ADAMTS17: variants seen among roughly 807,000 people sequenced by gnomAD.
The protein encoded by ADAMTS17 is ADAM metallopeptidase with thrombospondin type 1 motif 17.
ADAMTS17 carries 113 observed loss-of-function variants against 141.5 expected under a neutral mutation model. The ratio of observed to expected loss-of-function variants is 0.80; its 90% CI spans 0.69 to 0.93. The LOEUF (loss-of-function observed/expected upper bound fraction) is 0.93, where lower values mean the gene tolerates loss of function less well. Among genes scored for constraint, ADAMTS17 ranks in the 40% least tolerant of loss-of-function variants. The pLI, the probability that ADAMTS17 is intolerant of heterozygous loss-of-function variation, is 0.00. For missense variants in ADAMTS17, 1,659 were observed against 1,517.9 expected (o/e 1.09, Z -1.54); for synonymous variants, 768 against 630.6 (o/e 1.22, Z -3.27).
chr15:100,212,323 C>T (rs2041835539), intron 7 of ADAMTS17, among the ~76,000 whole-genome samples: 2 of 152,304 alleles, frequency 1.3e-5, no homozygotes, highest in Admixed American at 6.5e-5. Context: ...GAGACAGACT[C>T]ACAGTCAGGC....
intron 15 of ADAMTS17, among the ~76,000 whole-genome samples, chr15:100,089,744 A>G (rs2035333361): frequency 6.6e-6 from 1 of 150,570 alleles, no homozygotes; most frequent in South Asian, 2.1e-4. Context: ...AAAAAACCAA[A>G]CACCGCATGT....
At position 100,143,642 on chromosome 15, in the gene ADAMTS17, G is replaced by C. The variant is rs561572859; in HGVS notation, c.1473+8970C>G. On this transcript the variant is annotated intron_variant, in intron 10 of 21. Coordinates refer to ENST00000268070, the MANE Select transcript of ADAMTS17 (RefSeq NM_139057.4). ...AGTTCATATTTCCATAGACAGCTTT[G>C]AGCCTTACAATACTAGCATTCTGCA... is the stretch of plus-strand genomic sequence containing the variant. Among the ~76,000 whole-genome samples the C allele has an allele frequency of 4.6e-5, 7 of 152,200 alleles. No homozygotes were observed. The East Asian group carries it at 1.3e-3, about 29-fold the overall frequency.
chr15:100,109,730 G>A (rs560457636), intron 13 of ADAMTS17, among the ~76,000 whole-genome samples: 6 of 152,244 alleles, frequency 3.9e-5, no homozygotes, highest in Middle Eastern at 6.8e-3. Flanking sequence ...GGAAACCTGG[G>A]TTTCCCCTAC....
At chr15:100,025,696 G>T (rs2061500267) in intron 18 of ADAMTS17, among the ~76,000 whole-genome samples, 1 of 151,984 alleles carries the variant, frequency 6.6e-6, no homozygotes, top group Non-Finnish European at 1.5e-5. Context: ...TTACAGGCGT[G>T]AGCCACCACG....
intron 15 of ADAMTS17, among the ~76,000 whole-genome samples, chr15:100,077,718 C>A (rs999301137): frequency 1.3e-5 from 2 of 152,152 alleles, no homozygotes; most frequent in Non-Finnish European, 2.9e-5. Context: ...AAGACAAGGA[C>A]GTCCTGCTAC....
chr15:100,303,102 TAA>T (rs2045099308), intron 3 of ADAMTS17, among the ~76,000 whole-genome samples: 1 of 146,930 alleles, frequency 6.8e-6, no homozygotes, highest in Admixed American at 6.8e-5. Flanking sequence ...TTTATATATA[TAA>T]AATATATAAT....
rs545840214 is a variant in ADAMTS17, at chr15:100,098,614, G to A, written c.2017-2138C>T. On this transcript the variant is annotated intron_variant, in intron 14 of 21. Coordinates refer to ENST00000268070, the MANE Select transcript of ADAMTS17 (RefSeq NM_139057.4). ...GGAGGCGGAGGTTGCAGTGAGCTGA[G>A]ATTGCGCCACTGCACTCCAGCCTGG... Among the ~76,000 whole-genome samples the A allele has an allele frequency of 3.5e-3, 531 of 151,240 alleles. 4 individuals are homozygous for A. The highest frequency in any genetic ancestry group is 6.2e-3 in the Non-Finnish European group (418 of 67,950).
chr15:100,117,083 C>T (rs2037184025), intron 12 of ADAMTS17, 70 bp from the exon 13 acceptor site: 1 of 1,529,192 alleles, frequency 6.5e-7, no homozygotes, highest in South Asian at 1.2e-5. Flanking sequence ...GTTTCCGTCT[C>T]TCTTGCCAGG....
At chr15:100,080,775 T>C (rs180872831) in intron 15 of ADAMTS17, among the ~76,000 whole-genome samples, 12 of 152,378 alleles carry the variant, frequency 7.9e-5, no homozygotes, top group Admixed American at 6.5e-4. Flanking sequence ...ATAACATTTA[T>C]TGACTTCATA....
intron 18 of ADAMTS17, among the ~76,000 whole-genome samples, chr15:100,010,936 T>C (rs2061153901): frequency 6.6e-6 from 1 of 152,066 alleles, no homozygotes; most frequent in Non-Finnish European, 1.5e-5. Flanking sequence ...CATATTTGCT[T>C]TTTGAAAGAG....
chr15:100,179,875 T>C (rs1322796052), intron 8 of ADAMTS17, among the ~76,000 whole-genome samples: 2 of 152,236 alleles, frequency 1.3e-5, no homozygotes, highest in Non-Finnish European at 2.9e-5. Context: ...AATCAGATTA[T>C]AAGATTTTTT....
At chr15:100,200,408 C>T (rs1483646045) in intron 7 of ADAMTS17, among the ~76,000 whole-genome samples, 1 of 152,064 alleles carries the variant, frequency 6.6e-6, no homozygotes, top group African/African-American at 2.4e-5. Flanking sequence ...CGAGCCCATG[C>T]CGGCCGCACT....
At chr15:100,094,461 G>T (rs2035644315) in intron 15 of ADAMTS17, among the ~76,000 whole-genome samples, 1 of 152,222 alleles carries the variant, frequency 6.6e-6, no homozygotes, top group Non-Finnish European at 1.5e-5. Flanking sequence ...ATCAAGGGCT[G>T]GTATACAGAT....
chr15:100,311,179 T>C (rs1596495814), intron 3 of ADAMTS17, among the ~76,000 whole-genome samples: 1 of 152,194 alleles, frequency 6.6e-6, no homozygotes, highest in African/African-American at 2.4e-5. Flanking sequence ...GGAAGCCGGG[T>C]GTGCACTCTC....
intron 14 of ADAMTS17, among the ~76,000 whole-genome samples, chr15:100,097,983 A>G (rs1412131446): frequency 6.6e-6 from 1 of 152,244 alleles, no homozygotes; most frequent in Non-Finnish European, 1.5e-5. Context: ...CTAAAAGCTG[A>G]GCAAGTTGAG....
In ADAMTS17 at chr15:100,133,233, GT is replaced by G; in HGVS notation, c.1555del (p.Thr519ProfsTer15). On this transcript the variant is annotated frameshift_variant, in exon 11 of 22. Transcript: ENST00000268070. LOFTEE classifies it high-confidence loss of function. ...GGTTACCTTGTCTGCCCCACACTCG[GT>G]GCCATCCAGGGGAGGGTCCAGCTTG... Reference protein sequence around the residue: ...KTKLDPPLDGTECGADKWCRA... With the variant: ...KTKLDPPLDGXECGADKWCRA... The G allele has an allele frequency of 6.3e-7, 1 of 1,595,680 alleles. No homozygotes were observed. The highest frequency in any genetic ancestry group is 8.5e-7 in the Non-Finnish European group (1 of 1,169,810).
chr15:100,322,503 G>A (rs372453183), intron 3 of ADAMTS17, among the ~76,000 whole-genome samples: 11 of 152,190 alleles, frequency 7.2e-5, no homozygotes, highest in East Asian at 1.9e-4. Context: ...GAATCTCCAC[G>A]TTACATTTAC....
intron 16 of ADAMTS17, among the ~76,000 whole-genome samples, chr15:100,052,915 A>T (rs905286849): frequency 1.3e-5 from 2 of 152,180 alleles, no homozygotes; most frequent in African/African-American, 4.8e-5. Context: ...CTACGGGGCA[A>T]CGCCCACCCT....
At chr15:100,146,947 G>A (rs1381591953) in intron 10 of ADAMTS17, among the ~76,000 whole-genome samples, 1 of 152,162 alleles carries the variant, frequency 6.6e-6, no homozygotes, top group East Asian at 1.9e-4. Context: ...CTGATAAGAT[G>A]TTATCAATGA....
Sources: allele counts gnomAD v4.1 joint callset (sites outside exome capture counted in the v4.1 genomes callset), GRCh38; gene constraint gnomAD v4.1.1; transcripts MANE v1.5; gene names NCBI Gene and HGNC (gene_info 2026-07-23, HGNC 2026-07-21).